Variants in SLC25A26 observed in about 807,000 individuals in gnomAD.
SLC25A26 encodes solute carrier family 25 member 26.
Under a neutral mutation model 37.8 loss-of-function variants are expected in SLC25A26, and 36 were observed. The observed-to-expected ratio is 0.95, with a 90% CI of 0.73 to 1.26. The LOEUF (loss-of-function observed/expected upper bound fraction) is 1.26, where lower values mean the gene tolerates loss of function less well. Ranked by LOEUF, SLC25A26 falls within the 50% of genes most tolerant of loss-of-function variation. SLC25A26 has a pLI of 0.00. For missense variants in SLC25A26, 390 were observed against 331.1 expected (o/e 1.18, Z -1.38); for synonymous variants, 129 against 122.5 (o/e 1.05, Z -0.35).
intron 5 of SLC25A26, among the ~76,000 whole-genome samples, chr3:66,281,425 T>C (rs1288254978): frequency 6.6e-6 from 1 of 152,244 alleles, no homozygotes; most frequent in African/African-American, 2.4e-5. Context: ...CTGAAGCATT[T>C]GTTACATTGG....
At chr3:66,289,750 C>T (rs554385164) in intron 5 of SLC25A26, among the ~76,000 whole-genome samples, 12 of 152,200 alleles carry the variant, frequency 7.9e-5, no homozygotes, top group South Asian at 2.1e-4. Context: ...AGTCAGGTAG[C>T]GTGATGCCTC....
At position 66,243,204 on chromosome 3, in the gene SLC25A26, T is replaced by C; in HGVS notation, c.192T>C (p.Ala64=). ...PSAAIGSFPN[A]AAFFITYEYV... is the part of the protein sequence containing the mutation. ...AGACTGGCTTGTTTTAAATTTCAGC[T>C]GCTGCATTTTTTATCACCTATGAAT... The change falls in exon 3 of 10, where the codon GCT becomes GCC. Residue 64 remains alanine (A), a splice_region_variant and synonymous_variant. Transcript: ENST00000354883. 1 of 1,561,892 alleles carries C rather than the reference T, an allele frequency of 6.4e-7. No homozygotes were observed. The highest frequency in any genetic ancestry group is 8.8e-7 in the Non-Finnish European group (1 of 1,139,478).
intron 1 of SLC25A26, among the ~76,000 whole-genome samples, chr3:66,200,346 C>G (rs1356388982): frequency 2.0e-5 from 3 of 152,164 alleles, no homozygotes; most frequent in African/African-American, 7.2e-5. Flanking sequence ...GTGGGGTAAG[C>G]CAGCTGGCTG....
chr3:66,185,193 G>A (rs1193390752), intron 1 of SLC25A26, among the ~76,000 whole-genome samples: 1 of 152,116 alleles, frequency 6.6e-6, no homozygotes, highest in Non-Finnish European at 1.5e-5. Flanking sequence ...AAGTATATAG[G>A]TGGAATCATA....
chr3:66,168,185 G>GTATATA (rs375969349), intron 1 of SLC25A26, among the ~76,000 whole-genome samples: 1 of 109,066 alleles, frequency 9.2e-6, no homozygotes, highest in African/African-American at 3.2e-5. Context: ...ATGTGTGTGT[G>GTATATA]TATATATATA....
chr3:66,374,104 C>CA (rs1700500490), intron 9 of SLC25A26, among the ~76,000 whole-genome samples: 1 of 152,224 alleles, frequency 6.6e-6, no homozygotes, highest in Non-Finnish European at 1.5e-5. Context: ...TTTTCACTGG[C>CA]ATATGCACTA....
chr3:66,204,823 T>C (rs2071156712), intron 1 of SLC25A26, among the ~76,000 whole-genome samples: 1 of 152,222 alleles, frequency 6.6e-6, no homozygotes, highest in Non-Finnish European at 1.5e-5. Flanking sequence ...TTAGGGTGCC[T>C]GTAACATGTT....
intron 1 of SLC25A26, among the ~76,000 whole-genome samples, chr3:66,167,219 G>C (rs1448595562): frequency 8.5e-5 from 13 of 152,198 alleles, no homozygotes; most frequent in African/African-American, 3.1e-4. Context: ...TCGAGGAAAG[G>C]GTACATGGCC....
At chr3:66,361,330 T>TGA (rs2076703174) in intron 6 of SLC25A26, among the ~76,000 whole-genome samples, 1 of 152,184 alleles carries the variant, frequency 6.6e-6, no homozygotes, top group Non-Finnish European at 1.5e-5. Context: ...CTTTGTGACT[T>TGA]TGAGTTAGGC....
At chr3:66,318,950 T>G (rs1483288721) in intron 5 of SLC25A26, among the ~76,000 whole-genome samples, 1 of 152,126 alleles carries the variant, frequency 6.6e-6, no homozygotes, top group Non-Finnish European at 1.5e-5. Context: ...ACACCCAGCC[T>G]CAAAGGACTT....
At chr3:66,325,822 G>C (rs371095666) in intron 5 of SLC25A26, among the ~76,000 whole-genome samples, 34 of 152,280 alleles carry the variant, frequency 2.2e-4, no homozygotes, top group African/African-American at 7.9e-4. Context: ...ATCACTGAAG[G>C]TTTTATAAAC....
At chr3:66,163,532 G>A (rs765912697) in intron 1 of SLC25A26, among the ~76,000 whole-genome samples, 2 of 152,156 alleles carry the variant, frequency 1.3e-5, no homozygotes, top group African/African-American at 4.8e-5. Context: ...GCAGTCCCCA[G>A]AACTATTTTG....
intron 5 of SLC25A26, among the ~76,000 whole-genome samples, chr3:66,272,826 T>A (rs572209592): frequency 1.3e-5 from 2 of 152,290 alleles, no homozygotes; most frequent in East Asian, 1.9e-4. Context: ...CTTCCAACAC[T>A]GTGTTGAATA....
chr3:66,162,749 G>T (rs1044381322), intron 1 of SLC25A26, among the ~76,000 whole-genome samples: 10 of 152,198 alleles, frequency 6.6e-5, no homozygotes, highest in Admixed American at 5.9e-4. Flanking sequence ...GCAGTCTCTT[G>T]GCTGTCATCA....
chr3:66,248,159 A>G (rs2072932585), intron 3 of SLC25A26, among the ~76,000 whole-genome samples: 1 of 152,262 alleles, frequency 6.6e-6, no homozygotes. Context: ...AACAGTGCCA[A>G]AATAATAACC....
chr3:66,312,349 C>G (rs1054941416), intron 5 of SLC25A26, among the ~76,000 whole-genome samples: 1 of 152,150 alleles, frequency 6.6e-6, no homozygotes, highest in Admixed American at 6.5e-5. Flanking sequence ...AACCCAATCA[C>G]CCCAGGTCGA....
intron 2 of SLC25A26, among the ~76,000 whole-genome samples, chr3:66,237,297 A>G (rs2072340227): frequency 6.6e-6 from 1 of 152,274 alleles, no homozygotes; most frequent in Admixed American, 6.5e-5. Context: ...TCTTCAGAAC[A>G]ATCATTCTCA....
intron 1 of SLC25A26, among the ~76,000 whole-genome samples, chr3:66,144,682 G>A (rs749974783): frequency 6.6e-6 from 1 of 152,156 alleles, no homozygotes; most frequent in Non-Finnish European, 1.5e-5. Flanking sequence ...AAAGGAGGTT[G>A]CACCGAGGCT....
chr3:66,134,296 A>G (rs986595785), intron 1 of SLC25A26, among the ~76,000 whole-genome samples: 1 of 152,248 alleles, frequency 6.6e-6, no homozygotes. Context: ...TTAATTACTG[A>G]ACATAAAAGT....
Sources: gnomAD v4.1 joint callset for allele counts (sites outside exome capture counted in the v4.1 genomes callset) on GRCh38, gnomAD v4.1.1 for gene constraint, MANE v1.5 for transcripts, NCBI Gene and HGNC (gene_info 2026-07-23, HGNC 2026-07-21) for gene names.